Variants in ENPP2 observed in about 807,000 individuals in gnomAD.
The protein encoded by ENPP2 is ectonucleotide pyrophosphatase/phosphodiesterase 2, also known as autotaxin.
ENPP2 carries 51 observed loss-of-function variants against 120.2 expected under a neutral mutation model. The ratio of observed to expected loss-of-function variants is 0.42; its 90% CI spans 0.34 to 0.54. ENPP2 has a LOEUF of 0.54. Ranked by LOEUF, ENPP2 falls within the 20% of genes least tolerant of loss-of-function variation. ENPP2 has a pLI of 0.04. For missense variants in ENPP2, 920 were observed against 1,066.5 expected, an observed-to-expected ratio of 0.86 and a Z score of 1.91; for synonymous variants, 365 against 366.4, an observed-to-expected ratio of 1.00 and a Z score of 0.04.
intron 1 of ENPP2, among the ~76,000 whole-genome samples, chr8:119,667,752 T>C (rs2130911107): frequency 6.6e-6 from 1 of 152,344 alleles, no homozygotes; most frequent in South Asian, 2.1e-4. Context: ...TGCAGCCAGA[T>C]TGATCTTTCC....
intron 12 of ENPP2, chr8:119,593,083 C>T (rs912856379): frequency 4.3e-5 from 10 of 230,206 alleles, no homozygotes; most frequent in Non-Finnish European, 6.5e-5. Flanking sequence ...TGAGCCCCCA[C>T]CCCCTGCACA....
At position 119,562,951 on chromosome 8, in the gene ENPP2, A is replaced by G; in HGVS notation, c.2327T>C (p.Leu776Pro). Residue 776 changes from leucine (L) to proline (P), a missense_variant, in exon 24 of 25, where the codon CTG becomes CCG. By Grantham distance (98) the Leu-to-Pro change is moderately conservative. Transcript: ENST00000075322. ...THYYSIITSC[L>P]DFTQPADKCD... ...CTTGTCGGCAGGCTGAGTGAAATCC[A>G]GACAGCTGGTGATGATGCTGTAGTA... 2 of 1,614,102 alleles carry G rather than the reference A, an allele frequency of 1.2e-6. No homozygotes were observed. The highest frequency in any genetic ancestry group is 1.7e-6 in the Non-Finnish European group (2 of 1,179,942).
rs188790470 is a variant in ENPP2, at chr8:119,656,148, A to G, written c.21+17104T>C. 7.1e-3 allele frequency among the ~76,000 whole-genome samples: 1,082 copies of G among 152,264 alleles called. 11 individuals are homozygous for G. The highest frequency in any genetic ancestry group is 0.012 in the Non-Finnish European group (823 of 68,016). ...GTAGCCTATGGCCTCATGTAATAAAATATTTTGCAAAAGATGATGTTTTTC... is the reference window on the plus strand; with the variant it reads ...GTAGCCTATGGCCTCATGTAATAAAGTATTTTGCAAAAGATGATGTTTTTC... On this transcript the variant is annotated intron_variant, in intron 1 of 25. Transcript: ENST00000427067.
intron 12 of ENPP2, 43 bp from the exon 13 acceptor site, chr8:119,590,673 A>C: frequency 7.2e-7 from 1 of 1,394,990 alleles, no homozygotes; most frequent in Non-Finnish European, 9.6e-7. Flanking sequence ...CAAGACTAAA[A>C]CGAAAATCTT....
upstream of ENPP2, among the ~76,000 whole-genome samples, chr8:119,639,036 CATGTGGT>C (rs1817180073): frequency 6.6e-6 from 1 of 152,140 alleles, no homozygotes; most frequent in African/African-American, 2.4e-5. Context: ...CAGACACTTT[CATGTGGT>C]ATCCTCTGGC....
At chr8:119,603,137 G>A (rs1465785868) in intron 9 of ENPP2, among the ~76,000 whole-genome samples, 1 of 152,080 alleles carries the variant, frequency 6.6e-6, no homozygotes, top group Non-Finnish European at 1.5e-5. Context: ...AGCAAAGCCA[G>A]GTTAATCACT....
intron 12 of ENPP2, among the ~76,000 whole-genome samples, chr8:119,591,009 A>AAAAAC (rs1813467874): frequency 6.6e-6 from 1 of 151,400 alleles, no homozygotes; most frequent in Admixed American, 6.6e-5. Flanking sequence ...AAAAAAAAAA[A>AAAAAC]AAAAAAACCC....
At chr8:119,576,025 T>C (rs535636800) in intron 19 of ENPP2, among the ~76,000 whole-genome samples, 1 of 152,264 alleles carries the variant, frequency 6.6e-6, no homozygotes, top group East Asian at 1.9e-4. Context: ...TCCAAAGAAA[T>C]AACACAAATG....
chr8:119,619,320 G>T lies in ENPP2; in HGVS notation c.419-16C>A. 6.3e-7 allele frequency: 1 copy of T among 1,578,240 alleles called. No individual in the cohort carries two copies. Among genetic ancestry groups the T allele is most frequent in the Non-Finnish European group, 8.7e-7 (1 of 1,148,078 alleles). Reference sequence around the variant, plus strand: ...TGCGACTCTCCTATAAGGAAAAATGGGTAAATGTATTGTTGAATCTAATTA... The same window carrying T: ...TGCGACTCTCCTATAAGGAAAAATGTGTAAATGTATTGTTGAATCTAATTA... On this transcript the variant is annotated splice_polypyrimidine_tract_variant and intron_variant, in intron 4 of 24. Coordinates refer to ENST00000075322, the MANE Select transcript of ENPP2 (RefSeq NM_001040092.3).
chr8:119,651,128 G>GA lies in ENPP2; in HGVS notation c.22-12602_22-12601insT, dbSNP rs528966090. Among the ~76,000 whole-genome samples the GA allele has an allele frequency of 1.8e-4, 27 of 152,230 alleles. No individual in the cohort carries two copies. In the South Asian group the frequency reaches 5.6e-3, roughly 32 times the overall value. ...CAGGGAGATCAGGACAGCTCATATGGCAGATGGGCATGTATTATAATGGTT... is the reference window on the plus strand; with the variant it reads ...CAGGGAGATCAGGACAGCTCATATGGACAGATGGGCATGTATTATAATGGTT... On this transcript the variant is annotated intron_variant, in intron 1 of 25. Coordinates refer to the ENPP2 transcript ENST00000427067.
intron 15 of ENPP2, 132 bp downstream of exon 15, chr8:119,586,054 C>T: frequency 9.8e-7 from 1 of 1,025,342 alleles, no homozygotes; most frequent in Non-Finnish European, 1.4e-6. Flanking sequence ...ATGTAGCCCA[C>T]AAAATCTTTG....
intron 1 of ENPP2, among the ~76,000 whole-genome samples, chr8:119,671,657 G>T (rs1250167455): frequency 6.6e-6 from 1 of 152,162 alleles, no homozygotes; most frequent in Non-Finnish European, 1.5e-5. Flanking sequence ...ACAGATCCAG[G>T]TCCTAACTCG....
chr8:119,566,258 GA>G (rs1814431629), intron 22 of ENPP2, among the ~76,000 whole-genome samples: 1 of 152,182 alleles, frequency 6.6e-6, no homozygotes. Context: ...GAGAATAACA[GA>G]AGGAGACAGG....
intron 3 of ENPP2, among the ~76,000 whole-genome samples, chr8:119,623,150 T>C (rs1240491277): frequency 6.6e-6 from 1 of 152,128 alleles, no homozygotes; most frequent in Non-Finnish European, 1.5e-5. Context: ...AAACAACTAT[T>C]GTTAGGTGAA....
In ENPP2 at chr8:119,649,259, G is replaced by A. The variant is rs558729211; in HGVS notation, c.22-10732C>T. On this transcript the variant is annotated intron_variant, in intron 1 of 25. Transcript: ENST00000427067. ...ATACAAAAAAAAAAAAAAAATAGCC[G>A]GGTGTGGTCGTGGGCACCTGTAGTC... is the stretch of plus-strand genomic sequence containing the variant. 4.5e-3 allele frequency among the ~76,000 whole-genome samples: 682 copies of A among 150,242 alleles called. 4 individuals carry two copies. Among genetic ancestry groups the A allele is most frequent in the African/African-American group, 0.016 (643 of 40,728 alleles).
intron 5 of ENPP2, among the ~76,000 whole-genome samples, chr8:119,618,969 A>T (rs1217169169): frequency 6.6e-6 from 1 of 152,160 alleles, no homozygotes. Flanking sequence ...ATTCAGATGC[A>T]CTTTGTAAAA....
intron 2 of ENPP2, among the ~76,000 whole-genome samples, chr8:119,628,636 TA>T (rs1476296142): frequency 6.6e-6 from 1 of 152,182 alleles, no homozygotes; most frequent in Non-Finnish European, 1.5e-5. Context: ...ATCTACAAAA[TA>T]TATAAATAAG....
intron 8 of ENPP2, among the ~76,000 whole-genome samples, chr8:119,609,710 T>C (rs1327100083): frequency 1.3e-5 from 2 of 152,282 alleles, no homozygotes; most frequent in South Asian, 2.1e-4. Context: ...GGGATCTATT[T>C]TCATACTTAT....
intron 12 of ENPP2, among the ~76,000 whole-genome samples, chr8:119,592,495 AAAG>A (rs1207688488): frequency 8.0e-5 from 12 of 150,866 alleles, no homozygotes; most frequent in East Asian, 3.9e-4. Context: ...AAAAAAAAAA[AAAG>A]AAGAAGAAGA....
Sources: allele counts gnomAD v4.1 joint callset (sites outside exome capture counted in the v4.1 genomes callset), GRCh38; gene constraint gnomAD v4.1.1; transcripts MANE v1.5; gene names NCBI Gene and HGNC (gene_info 2026-07-23, HGNC 2026-07-21).